Variants in EPB41 observed in about 807,000 individuals in gnomAD.
EPB41 encodes the protein protein 4.1.
EPB41 carries 65 observed loss-of-function variants against 108.0 expected under a neutral mutation model. That is an observed-to-expected ratio of 0.60 (90% confidence interval 0.49 to 0.74). The LOEUF is 0.74. EPB41 is among the 30% of genes least tolerant of loss of function. The pLI, the probability that EPB41 is intolerant of heterozygous loss-of-function variation, is 0.00. For synonymous variants in EPB41, 336 were observed against 358.9 expected (o/e 0.94, Z 0.72); for missense variants, 875 against 1,037.0 (o/e 0.84, Z 2.15).
chr1:28,955,837 GTT>G (rs1433960995), intron 1 of EPB41, among the ~76,000 whole-genome samples: 3 of 152,154 alleles, frequency 2.0e-5, no homozygotes, highest in Non-Finnish European at 4.4e-5. Context: ...TATGTTGTCT[GTT>G]TTAACTACCG....
intron 16 of EPB41, among the ~76,000 whole-genome samples, chr1:29,082,273 C>T (rs570298843): frequency 4.9e-4 from 75 of 152,086 alleles, no homozygotes; most frequent in Admixed American, 9.2e-4. Context: ...TACAGACACC[C>T]GCCACCACGC....
At chr1:28,994,833 T>C (rs1233714016) in intron 3 of EPB41, among the ~76,000 whole-genome samples, 1 of 150,722 alleles carries the variant, frequency 6.6e-6, no homozygotes. Flanking sequence ...TAATTTTTTA[T>C]ATTTTTTGTA....
intron 16 of EPB41, among the ~76,000 whole-genome samples, chr1:29,091,362 T>A (rs946409116): frequency 6.6e-6 from 1 of 152,222 alleles, no homozygotes; most frequent in Non-Finnish European, 1.5e-5. Context: ...AGGACTAGCA[T>A]GTAGCAATTT....
At chr1:29,078,216 C>A (rs1378678380) in intron 16 of EPB41, among the ~76,000 whole-genome samples, 1 of 151,872 alleles carries the variant, frequency 6.6e-6, no homozygotes, top group Non-Finnish European at 1.5e-5. Flanking sequence ...AAGATTCCGT[C>A]TCAAAAAAAA....
chr1:28,922,053 T>C (rs2093136825), intron 1 of EPB41, among the ~76,000 whole-genome samples: 2 of 146,518 alleles, frequency 1.4e-5, no homozygotes, highest in South Asian at 4.3e-4. Context: ...CACTGCAACC[T>C]CTGCCTCCCA....
intron 17 of EPB41, among the ~76,000 whole-genome samples, chr1:29,108,106 G>A (rs896397794): frequency 7.0e-6 from 1 of 142,540 alleles, no homozygotes; most frequent in African/African-American, 2.6e-5. Flanking sequence ...CTTAATTATT[G>A]TCACTAATGT....
chr1:28,917,436 A>T (rs1246628248), intron 1 of EPB41, among the ~76,000 whole-genome samples: 1 of 152,106 alleles, frequency 6.6e-6, no homozygotes, highest in South Asian at 2.1e-4. Flanking sequence ...GCTTGCCATC[A>T]TGCCCACCTA....
chr1:29,012,811 C>G (rs2096525858), intron 5 of EPB41, among the ~76,000 whole-genome samples: 1 of 152,164 alleles, frequency 6.6e-6, no homozygotes, highest in African/African-American at 2.4e-5. Flanking sequence ...ACAAAATACT[C>G]TTTTGGACTG....
chr1:28,960,943 A>G (rs1571439506), intron 1 of EPB41, among the ~76,000 whole-genome samples: 1 of 151,704 alleles, frequency 6.6e-6, no homozygotes, highest in Non-Finnish European at 1.5e-5. Flanking sequence ...CTGAGGCAGG[A>G]AAATCACTTG....
intron 7 of EPB41, among the ~76,000 whole-genome samples, chr1:29,022,656 G>T (rs143758805): frequency 0.011 from 1,675 of 152,082 alleles, 45 homozygotes; most frequent in African/African-American, 0.038. Context: ...GGGAGGCGGT[G>T]GTTGCAGTGA....
In EPB41 at chr1:28,890,820, T is replaced by C. The variant is rs974286073; in HGVS notation, c.-8+3610T>C. ...GGCCGAGCTGGGATTTGAACTTAGGTTCAACTCCAAAGCCCAGACCTAACT... is the reference window on the plus strand; with the variant it reads ...GGCCGAGCTGGGATTTGAACTTAGGCTCAACTCCAAAGCCCAGACCTAACT... On this transcript the variant is annotated intron_variant, in intron 1 of 16. Transcript: ENST00000347529. 9 of 758,694 alleles carry C rather than the reference T, an allele frequency of 1.2e-5. 1 individual carries two copies. The South Asian group carries it at 5.4e-4, about 45-fold the overall frequency. 47.0% of individuals were successfully genotyped at this position (758,694 alleles called of 1,614,324 possible).
intron 1 of EPB41, among the ~76,000 whole-genome samples, chr1:28,902,927 A>G (rs577977467): frequency 6.6e-6 from 1 of 152,248 alleles, no homozygotes; most frequent in East Asian, 1.9e-4. Flanking sequence ...GAGGCAAGAT[A>G]GTGTCTTGAG....
At chr1:29,078,378 T>G (rs1462902729) in intron 16 of EPB41, among the ~76,000 whole-genome samples, 2 of 152,212 alleles carry the variant, frequency 1.3e-5, no homozygotes, top group Non-Finnish European at 2.9e-5. Flanking sequence ...CAAAGTATTT[T>G]TTGTCTTTAT....
At chr1:28,889,433 T>C (rs1450950121) in intron 1 of EPB41, among the ~76,000 whole-genome samples, 4 of 152,202 alleles carry the variant, frequency 2.6e-5, no homozygotes, top group Admixed American at 6.5e-5. Context: ...AGACCAGGGC[T>C]GGCCTCCCTC....
At chr1:29,082,850 C>T (rs113645701) in intron 16 of EPB41, among the ~76,000 whole-genome samples, 3 of 152,076 alleles carry the variant, frequency 2.0e-5, no homozygotes, top group East Asian at 3.9e-4. Flanking sequence ...TTTACGTTCA[C>T]CTATTCTGGG....
intron 7 of EPB41, among the ~76,000 whole-genome samples, chr1:29,019,825 A>G (rs1469439425): frequency 1.3e-5 from 2 of 152,132 alleles, no homozygotes; most frequent in Non-Finnish European, 2.9e-5. Flanking sequence ...AGGTTCAGGT[A>G]CCTCAGTCAT....
chr1:29,075,434 C>G (rs183590474), intron 16 of EPB41, among the ~76,000 whole-genome samples: 5 of 151,966 alleles, frequency 3.3e-5, no homozygotes, highest in African/African-American at 7.3e-5. Context: ...GCTGAGATCG[C>G]GCCACTGTAC....
chr1:29,059,128 A>G (rs1007713423), intron 14 of EPB41, among the ~76,000 whole-genome samples: 1 of 152,096 alleles, frequency 6.6e-6, no homozygotes, highest in Non-Finnish European at 1.5e-5. Flanking sequence ...TACAAAAATT[A>G]GCCAGGCGTG....
chr1:29,015,585 A>AAAAAAGAAAG, intron 5 of EPB41, 107 bp from the exon 6 acceptor site: 1 of 817,552 alleles, frequency 1.2e-6, no homozygotes, highest in Non-Finnish European at 2.0e-6. Flanking sequence ...AAAGAAAAAA[A>AAAAAAGAAAG]AAAAAGAAAG....
Sources: allele counts gnomAD v4.1 joint callset (sites outside exome capture counted in the v4.1 genomes callset), GRCh38; gene constraint gnomAD v4.1.1; transcripts MANE v1.5; gene names NCBI Gene and HGNC (gene_info 2026-07-23, HGNC 2026-07-21).